SRRM4: variants seen among roughly 807,000 people sequenced by gnomAD.
The protein encoded by SRRM4 is serine/arginine repetitive matrix 4.
SRRM4 carries 33 observed loss-of-function variants against 68.9 expected under a neutral mutation model. That is an observed-to-expected ratio of 0.48 (90% CI 0.36 to 0.64). The LOEUF is 0.64. Ranked by LOEUF, SRRM4 falls within the 30% of genes least tolerant of loss-of-function variation. SRRM4 has a pLI of 0.00. For missense variants in SRRM4, 817 were observed against 827.1 expected, an observed-to-expected ratio of 0.99 and a Z score of 0.15; for synonymous variants, 318 against 318.8, an observed-to-expected ratio of 1.00 and a Z score of 0.03.
intron 1 of SRRM4, among the ~76,000 whole-genome samples, chr12:119,025,135 ATTTGTGTG>A (rs1194009248): frequency 6.6e-6 from 1 of 151,900 alleles, no homozygotes; most frequent in Non-Finnish European, 1.5e-5. Flanking sequence ...GTGTGTGTGT[ATTTGTGTG>A]TAGGGAAAGG....
rs1332092446 is a variant in SRRM4 at position 119,028,224 on chromosome 12, G to T, written c.131+46211G>T. Among the ~76,000 whole-genome samples, 3 of 152,190 alleles carry T rather than the reference G, an allele frequency of 2.0e-5. No homozygotes were observed. The East Asian group carries it at 5.8e-4, about 29-fold the overall frequency. ...CTTAAAATAACTCTGTGAAGGAAGG[G>T]TGACTACCCCCATTGAACAGATGTG... On this transcript the variant is annotated intron_variant, in intron 1 of 12. Coordinates refer to ENST00000267260, the MANE Select transcript of SRRM4 (RefSeq NM_194286.4).
At chr12:118,988,863 G>T (rs1305047042) in intron 1 of SRRM4, among the ~76,000 whole-genome samples, 1 of 152,192 alleles carries the variant, frequency 6.6e-6, no homozygotes, top group African/African-American at 2.4e-5. Flanking sequence ...GAGCTGCTTT[G>T]TTGGACAGCA....
chr12:119,015,116 A>G (rs918616976), intron 1 of SRRM4, among the ~76,000 whole-genome samples: 3 of 152,212 alleles, frequency 2.0e-5, no homozygotes, highest in African/African-American at 7.2e-5. Context: ...GAAGTTGACC[A>G]AGGTGTTTGT....
chr12:119,017,115 C>T (rs1424019754), intron 1 of SRRM4, among the ~76,000 whole-genome samples: 1 of 152,206 alleles, frequency 6.6e-6, no homozygotes. Flanking sequence ...TCACCACAGC[C>T]TAGTCTATAA....
intron 1 of SRRM4, among the ~76,000 whole-genome samples, chr12:119,079,282 C>T (rs552378269): frequency 6.6e-6 from 1 of 152,242 alleles, no homozygotes; most frequent in South Asian, 2.1e-4. Context: ...TCGTGTCTGG[C>T]CTCCTGAGCC....
chr12:119,042,366 GC>G (rs1953675472), intron 1 of SRRM4, among the ~76,000 whole-genome samples: 1 of 152,016 alleles, frequency 6.6e-6, no homozygotes. Flanking sequence ...GAACGGAGAG[GC>G]AGCGACAGAG....
chr12:119,128,436 C>T (rs1156809709), intron 7 of SRRM4, among the ~76,000 whole-genome samples: 2 of 152,186 alleles, frequency 1.3e-5, no homozygotes, highest in Non-Finnish European at 2.9e-5. Flanking sequence ...GTAAATGCTC[C>T]CCAAACCACC....
At chr12:119,143,690 A>T (rs545051670) in intron 8 of SRRM4, among the ~76,000 whole-genome samples, 1 of 152,240 alleles carries the variant, frequency 6.6e-6, no homozygotes, top group Admixed American at 6.5e-5. Context: ...CTACCCTTGG[A>T]CCTAGAAGTG....
At chr12:119,084,714 T>C (rs879683386) in intron 1 of SRRM4, among the ~76,000 whole-genome samples, 2 of 151,878 alleles carry the variant, frequency 1.3e-5, no homozygotes, top group Non-Finnish European at 2.9e-5. Context: ...ATTCTCATAG[T>C]CCGGTGGGGC....
intron 1 of SRRM4, among the ~76,000 whole-genome samples, chr12:119,005,257 T>A (rs1953409288): frequency 6.6e-6 from 1 of 152,270 alleles, no homozygotes; most frequent in Non-Finnish European, 1.5e-5. Flanking sequence ...AGGGGCCCCA[T>A]TTTATAGACA....
At chr12:118,993,144 G>A (rs1953327342) in intron 1 of SRRM4, among the ~76,000 whole-genome samples, 1 of 152,110 alleles carries the variant, frequency 6.6e-6, no homozygotes, top group Non-Finnish European at 1.5e-5. Context: ...TAAAGACCTG[G>A]AATAAGCTCC....
chr12:119,151,192 C>A lies in SRRM4; in HGVS notation c.1252C>A (p.Gln418Lys), dbSNP rs570149154. The A allele has an allele frequency of 2.5e-5, 41 of 1,614,014 alleles. No individual in the cohort carries two copies. In the South Asian group the frequency reaches 4.3e-4, roughly 17 times the overall value. The change falls in exon 10 of 13, where the codon CAA becomes AAA. Residue 418 changes from glutamine to lysine, a missense_variant. Physicochemically the swap from Gln to Lys is moderately conservative, Grantham distance 53 (BLOSUM62 1). Transcript: ENST00000267260. ...TCCCAGGGCTTCCCCCAGGTACACC[C>A]AAAGCCGATCCACCTCTTCTGAAAA... ...PNPRASPRYTQSRSTSSEKRS... is the reference protein window; with the variant it reads ...PNPRASPRYTKSRSTSSEKRS...
chr12:119,061,826 G>C (rs561716247), intron 1 of SRRM4, among the ~76,000 whole-genome samples: 1 of 151,906 alleles, frequency 6.6e-6, no homozygotes, highest in Non-Finnish European at 1.5e-5. Context: ...CCCTGGCCTC[G>C]ACACACTAGA....
chr12:119,125,625 A>G, intron 7 of SRRM4, 146 bp downstream of exon 7: 1 of 696,330 alleles, frequency 1.4e-6, no homozygotes. Context: ...TTCCCTGTAG[A>G]GAAAGGGCTG....
intron 1 of SRRM4, among the ~76,000 whole-genome samples, chr12:119,082,705 G>A (rs905789366): frequency 6.6e-6 from 1 of 152,196 alleles, no homozygotes; most frequent in Non-Finnish European, 1.5e-5. Flanking sequence ...TCCAGCCAGG[G>A]GAAGCAGTTC....
intron 6 of SRRM4, 97 bp downstream of exon 6, chr12:119,122,217 G>C (rs1271726769): frequency 1.3e-6 from 1 of 742,882 alleles, no homozygotes; most frequent in Non-Finnish European, 2.3e-6. Flanking sequence ...AATAAACAGG[G>C]AAAGGGAGGA....
intron 1 of SRRM4, among the ~76,000 whole-genome samples, chr12:119,055,777 G>C (rs533066990): frequency 2.6e-5 from 4 of 152,210 alleles, no homozygotes; most frequent in Non-Finnish European, 5.9e-5. Flanking sequence ...TAACCTCTCT[G>C]AACTTCAGTT....
At chr12:119,040,134 T>C (rs937072365) in intron 1 of SRRM4, among the ~76,000 whole-genome samples, 2 of 152,166 alleles carry the variant, frequency 1.3e-5, no homozygotes, top group Non-Finnish European at 2.9e-5. Context: ...AAAAGGCACC[T>C]GTCCCTACAT....
rs551342040 is a variant in SRRM4 at position 119,154,129 on chromosome 12, C to G, written c.1392-114C>G. ...GGTCTCCCTTGCGGCAACGTGCAGACCCCATCCCGTGACCCAGTGGGGTGG... is the reference window on the plus strand; with the variant it reads ...GGTCTCCCTTGCGGCAACGTGCAGAGCCCATCCCGTGACCCAGTGGGGTGG... On this transcript the variant is annotated intron_variant, in intron 11 of 12. Coordinates refer to ENST00000267260, the MANE Select transcript of SRRM4 (RefSeq NM_194286.4). This position sits in a 1 kb window ranked among gnomAD's most constrained non-coding sequence, Gnocchi z 4.7. The G allele has an allele frequency of 1.3e-4, 125 of 995,216 alleles. No homozygotes were observed. The highest frequency in any genetic ancestry group is 9.7e-4 in the Middle Eastern group (3 of 3,094). The allele number at this position is 995,216 out of a possible 1,614,324, so 61.6% of individuals were successfully genotyped here.
Sources: allele counts gnomAD v4.1 joint callset (sites outside exome capture counted in the v4.1 genomes callset), GRCh38; gene constraint gnomAD v4.1.1; non-coding constraint Gnocchi (gnomAD v3.1); transcripts MANE v1.5; gene names NCBI Gene and HGNC (gene_info 2026-07-23, HGNC 2026-07-21).